GEM: variants seen among roughly 807,000 people sequenced by gnomAD.
The protein encoded by GEM is GTP binding protein overexpressed in skeletal muscle, also known as GTP-binding protein GEM.
In GEM, 31 loss-of-function variants were observed where a neutral mutation model predicts 33.0. That is an observed-to-expected ratio of 0.94 (90% CI 0.71 to 1.27). The LOEUF is 1.27. Among genes scored for constraint, GEM ranks in the 50% most tolerant of loss-of-function variants. The pLI is 0.00. For synonymous variants in GEM, 141 were observed against 143.7 expected (o/e 0.98, Z 0.13); for missense variants, 354 against 390.5 (o/e 0.91, Z 0.79).
At chr8:94,261,993 C>T (rs1374183879) in intron 1 of GEM, 97 bp downstream of exon 1, 1 of 152,226 alleles carries the variant, frequency 6.6e-6, no homozygotes, top group African/African-American at 2.4e-5. Context: ...TCTCTGACCA[C>T]TCGATCTGTA....
chr8:94,250,614 G>C, intron 4 of GEM, 27 bp from the exon 5 acceptor site: 1 of 1,593,438 alleles, frequency 6.3e-7, no homozygotes, highest in East Asian at 2.2e-5. Flanking sequence ...GAGGTCAGAG[G>C]GACTGCAGAG....
At chr8:94,258,846 G>A (rs192608964) in intron 2 of GEM, among the ~76,000 whole-genome samples, 12 of 152,258 alleles carry the variant, frequency 7.9e-5, no homozygotes, top group Middle Eastern at 6.8e-3. Flanking sequence ...TAAGGCTTTT[G>A]ATCTCCCTGA....
At chr8:94,261,101 T>G (rs1809012331) in intron 1 of GEM, among the ~76,000 whole-genome samples, 1 of 152,116 alleles carries the variant, frequency 6.6e-6, no homozygotes, top group African/African-American at 2.4e-5. Flanking sequence ...AAAGTTGCCT[T>G]GATGCTCTCC....
intron 4 of GEM, among the ~76,000 whole-genome samples, 181 bp downstream of exon 4, chr8:94,251,838 C>A (rs1294856382): frequency 1.3e-5 from 2 of 152,114 alleles, no homozygotes; most frequent in Non-Finnish European, 2.9e-5. Context: ...CAAGGGAGAA[C>A]AACTAGTGTG....
intron 2 of GEM, among the ~76,000 whole-genome samples, chr8:94,258,766 T>C (rs1026121421): frequency 2.0e-5 from 3 of 152,198 alleles, no homozygotes; most frequent in African/African-American, 7.2e-5. Flanking sequence ...CCAGAAATGG[T>C]AAAATGAACT....
intron 2 of GEM, among the ~76,000 whole-genome samples, chr8:94,258,607 A>G (rs1808948753): frequency 6.6e-6 from 1 of 152,212 alleles, no homozygotes; most frequent in African/African-American, 2.4e-5. Flanking sequence ...ACCATGTACT[A>G]GTTTTTTCAC....
At chr8:94,256,347 G>C (rs944333825) in intron 2 of GEM, among the ~76,000 whole-genome samples, 27 of 152,242 alleles carry the variant, frequency 1.8e-4, no homozygotes, top group Admixed American at 3.3e-4. Flanking sequence ...TTGGAATTGA[G>C]CCCCATCTCT....
intron 3 of GEM, among the ~76,000 whole-genome samples, chr8:94,252,717 C>T (rs1449520860): frequency 1.3e-5 from 2 of 152,176 alleles, no homozygotes. Context: ...AGAATCTCAA[C>T]TTCATATGAG....
At chr8:94,251,357 T>C (rs1396970142) in intron 4 of GEM, among the ~76,000 whole-genome samples, 1 of 152,216 alleles carries the variant, frequency 6.6e-6, no homozygotes, top group African/African-American at 2.4e-5. Context: ...TAGGAAGACA[T>C]TCCCAAACTA....
intron 4 of GEM, among the ~76,000 whole-genome samples, chr8:94,250,828 A>G (rs1028852245): frequency 6.6e-6 from 1 of 152,244 alleles, no homozygotes; most frequent in Non-Finnish European, 1.5e-5. Context: ...TGAAGGTCCC[A>G]TTTCATCAAA....
intron 2 of GEM, among the ~76,000 whole-genome samples, chr8:94,259,651 T>C (rs186598409): frequency 2.1e-3 from 315 of 152,382 alleles, no homozygotes; most frequent in African/African-American, 5.1e-3. Flanking sequence ...GAAAGTTTCA[T>C]TGTTATACTT....
Position 94,256,016 on chromosome 8 carries a change from C to G in GEM, c.332-2904G>C, listed in dbSNP as rs192961675. Among the ~76,000 whole-genome samples the G allele has an allele frequency of 5.9e-5, 9 of 152,276 alleles. No individual in the cohort carries two copies. The East Asian group carries it at 1.7e-3, about 29-fold the overall frequency. The stretch of plus-strand genomic sequence containing the variant: ...TCTACCCGGCCTCTCCCTGGGCTTC[C>G]GTTTCCATCCTGGCAGAATTCAGCT... On this transcript the variant is annotated intron_variant, in intron 2 of 4. Coordinates refer to ENST00000297596, the MANE Select transcript of GEM (RefSeq NM_005261.4).
chr8:94,251,278 G>A (rs1808764165), intron 4 of GEM, among the ~76,000 whole-genome samples: 1 of 152,088 alleles, frequency 6.6e-6, no homozygotes, highest in Non-Finnish European at 1.5e-5. Flanking sequence ...GTATTTCATT[G>A]CATTCAATGA....
At chr8:94,254,966 A>G (rs186473441) in intron 2 of GEM, among the ~76,000 whole-genome samples, 1 of 152,350 alleles carries the variant, frequency 6.6e-6, no homozygotes, top group Admixed American at 6.5e-5. Context: ...TACCAGGGGT[A>G]GAACCTCACA....
At chr8:94,258,524 C>T (rs1808945952) in intron 2 of GEM, among the ~76,000 whole-genome samples, 2 of 152,120 alleles carry the variant, frequency 1.3e-5, no homozygotes, top group African/African-American at 4.8e-5. Flanking sequence ...GAAGCTAAAT[C>T]CTGGGGCTGC....
intron 2 of GEM, 101 bp downstream of exon 2, chr8:94,260,072 C>A (rs1017851780): frequency 5.3e-6 from 4 of 757,320 alleles, no homozygotes; most frequent in Non-Finnish European, 8.8e-6. Flanking sequence ...AAATGCCTAA[C>A]TTCAGCTCCC....
intron 2 of GEM, among the ~76,000 whole-genome samples, chr8:94,257,849 CA>C (rs1322186129): frequency 6.7e-6 from 1 of 149,944 alleles, no homozygotes; most frequent in Admixed American, 6.6e-5. Flanking sequence ...TTTTTTCTTA[CA>C]GTGAATGCTG....
At position 94,253,067 on chromosome 8, in the gene GEM, G is replaced by A. The variant is rs184919570; in HGVS notation, c.377C>T (p.Thr126Met). ...TTCCCACATATCCAGGAGTATAATCGTTGCACTTTCCCCATCAACCATCAG... is the reference window on the plus strand; with the variant it reads ...TTCCCACATATCCAGGAGTATAATCATTGCACTTTCCCCATCAACCATCAG... ...RTLMVDGESA[T>M]IILLDMWENK... Residue 126 changes from threonine (T) to methionine (M), a missense_variant, in exon 3 of 5, where the codon ACG (threonine) becomes ATG (methionine). Transcript: ENST00000297596. 92 of 1,598,766 alleles carry A rather than the reference G, an allele frequency of 5.8e-5. 1 individual carries two copies. Among genetic ancestry groups the A allele is most frequent in the Admixed American group, 3.2e-4 (19 of 59,962 alleles).
Position 94,250,408 on chromosome 8 carries a change from T to C in GEM, c.793A>G (p.Lys265Glu). 6.2e-7 allele frequency: 1 copy of C among 1,614,200 alleles called. No homozygotes were observed. The highest frequency in any genetic ancestry group is 8.5e-7 in the Non-Finnish European group (1 of 1,180,034). Residue 265 changes from lysine (K) to glutamate (E), a missense_variant, in exon 5 of 5, where the codon AAA (lysine) becomes GAA (glutamate). Physicochemically the swap from Lys to Glu is moderately conservative, Grantham distance 56 (BLOSUM62 1). Coordinates refer to ENST00000297596, the MANE Select transcript of GEM (RefSeq NM_005261.4). The part of the protein sequence containing the change: ...YQKRKESMPR[K>E]ARRFWGKIVA... Reference sequence around the variant, plus strand: ...ATCTTGCCCCAGAAGCGCCTGGCTTTCCTGGGCATGCTCTCCTTCCTTTTC... The same window carrying C: ...ATCTTGCCCCAGAAGCGCCTGGCTTCCCTGGGCATGCTCTCCTTCCTTTTC...
Sources: allele counts gnomAD v4.1 joint callset (sites outside exome capture counted in the v4.1 genomes callset), GRCh38; gene constraint gnomAD v4.1.1; transcripts MANE v1.5; gene names NCBI Gene and HGNC (gene_info 2026-07-23, HGNC 2026-07-21).